TBC1D22A: variants seen among roughly 807,000 people sequenced by gnomAD.
The protein encoded by TBC1D22A is TBC1 domain family member 22A.
Under a neutral mutation model 60.2 loss-of-function variants are expected in TBC1D22A, and 38 were observed. That is an observed-to-expected ratio of 0.63 (90% CI 0.49 to 0.83). The LOEUF is 0.83. Ranked by LOEUF, TBC1D22A falls within the 40% of genes least tolerant of loss-of-function variation. TBC1D22A has a pLI of 0.00. For missense variants in TBC1D22A, 628 were observed against 701.0 expected (o/e 0.90, Z 1.18); for synonymous variants, 302 against 281.7 (o/e 1.07, Z -0.72).
At chr22:47,157,078 A>T (rs1348928941) in intron 12 of TBC1D22A, among the ~76,000 whole-genome samples, 2 of 152,222 alleles carry the variant, frequency 1.3e-5, no homozygotes, top group East Asian at 3.9e-4. Flanking sequence ...CAGGTGATGC[A>T]GGATGCAGAG....
chr22:47,105,272 C>T (rs548347072), intron 11 of TBC1D22A, among the ~76,000 whole-genome samples: 47 of 152,084 alleles, frequency 3.1e-4, no homozygotes, highest in Middle Eastern at 3.4e-3. Context: ...CTCCTCTTTC[C>T]GGTGGTGTGG....
chr22:46,963,376 G>A (rs1195498188), intron 8 of TBC1D22A, among the ~76,000 whole-genome samples: 3 of 152,186 alleles, frequency 2.0e-5, no homozygotes, highest in African/African-American at 4.8e-5. Flanking sequence ...GTCCCGCAGT[G>A]CCCAAGGCTG....
intron 1 of TBC1D22A, among the ~76,000 whole-genome samples, chr22:46,775,957 A>C (rs907912993): frequency 1.3e-5 from 2 of 152,242 alleles, no homozygotes; most frequent in Non-Finnish European, 1.5e-5. Flanking sequence ...CTGTTTGCAC[A>C]TGAGGCCCTG....
intron 4 of TBC1D22A, among the ~76,000 whole-genome samples, chr22:46,825,323 AG>A (rs984389827): frequency 1.8e-4 from 27 of 152,170 alleles, no homozygotes; most frequent in African/African-American, 6.3e-4. Context: ...TCCTCTCTGC[AG>A]GGGCCCAGCT....
intron 8 of TBC1D22A, among the ~76,000 whole-genome samples, chr22:46,954,210 G>C (rs950426792): frequency 1.3e-5 from 2 of 152,174 alleles, no homozygotes; most frequent in East Asian, 3.8e-4. Flanking sequence ...CCCCAGTCCC[G>C]CTCTGCTTCT....
At chr22:46,909,357 C>T (rs1169720316) in intron 7 of TBC1D22A, among the ~76,000 whole-genome samples, 1 of 152,168 alleles carries the variant, frequency 6.6e-6, no homozygotes, top group Non-Finnish European at 1.5e-5. Context: ...GTGCGACTGC[C>T]CCCTGCTCTG....
At chr22:46,875,955 A>ACC (rs141587077) in intron 4 of TBC1D22A, among the ~76,000 whole-genome samples, 3 of 150,838 alleles carry the variant, frequency 2.0e-5, no homozygotes, top group African/African-American at 7.3e-5. Flanking sequence ...GGTGCTCATG[A>ACC]CCCCCCCTGT....
At chr22:46,861,615 A>G (rs1233361938) in intron 4 of TBC1D22A, among the ~76,000 whole-genome samples, 1 of 152,250 alleles carries the variant, frequency 6.6e-6, no homozygotes, top group Non-Finnish European at 1.5e-5. Flanking sequence ...CACCTGGGCC[A>G]GCGGTGCCCA....
intron 8 of TBC1D22A, among the ~76,000 whole-genome samples, chr22:46,950,709 T>A (rs1007070777): frequency 6.6e-6 from 1 of 152,270 alleles, no homozygotes; most frequent in East Asian, 1.9e-4. Context: ...ACGGTAGATG[T>A]GCGCGAATGA....
intron 11 of TBC1D22A, among the ~76,000 whole-genome samples, chr22:47,049,788 T>C (rs571258022): frequency 6.6e-6 from 1 of 152,340 alleles, no homozygotes; most frequent in South Asian, 2.1e-4. Context: ...TCTACTTAAA[T>C]GTGGTGCGTG....
intron 4 of TBC1D22A, among the ~76,000 whole-genome samples, chr22:46,858,461 A>ACC (rs376169833): frequency 0.084 from 12,771 of 151,378 alleles, 685 homozygotes; most frequent in Non-Finnish European, 0.12. Flanking sequence ...TGTGGCAAAC[A>ACC]CCCCCCCCAG....
chr22:47,157,851 C>T (rs866303170), intron 12 of TBC1D22A, among the ~76,000 whole-genome samples: 3 of 152,278 alleles, frequency 2.0e-5, no homozygotes, highest in African/African-American at 4.8e-5. Flanking sequence ...CACCCACCCC[C>T]CAAGCCCTCA....
intron 1 of TBC1D22A, among the ~76,000 whole-genome samples, chr22:46,778,381 C>G (rs184641198): frequency 1.3e-5 from 2 of 152,148 alleles, no homozygotes; most frequent in South Asian, 2.1e-4. Flanking sequence ...AACACAAATA[C>G]GTTGTACAGC....
chr22:46,908,625 G>A (rs895511589), intron 7 of TBC1D22A, among the ~76,000 whole-genome samples: 3 of 152,134 alleles, frequency 2.0e-5, no homozygotes, highest in African/African-American at 4.8e-5. Context: ...TAATACAAGC[G>A]TGCTCTTTTA....
Position 47,061,774 on chromosome 22 carries a change from A to G in TBC1D22A, c.1329+24576A>G, listed in dbSNP as rs116832514. On this transcript the variant is annotated intron_variant, in intron 11 of 12. Coordinates refer to ENST00000337137, the MANE Select transcript of TBC1D22A (RefSeq NM_014346.5). ...ATTCTTTCCTTAAAAGTGTTCATCT[A>G]TTTCCTCCCAGTCTTGAGGTTAGAA... Among the ~76,000 whole-genome samples, 80 of 151,952 alleles carry G rather than the reference A, an allele frequency of 5.3e-4. 1 individual carries two copies. The South Asian group carries it at 6.2e-3, about 12-fold the overall frequency.
chr22:46,967,764 G>A (rs1004006872), intron 8 of TBC1D22A, among the ~76,000 whole-genome samples: 1 of 151,930 alleles, frequency 6.6e-6, no homozygotes, highest in Non-Finnish European at 1.5e-5. Flanking sequence ...TTTTGTTTTC[G>A]AGAACCCCCT....
chr22:46,893,217 T>C (rs2068494325), intron 6 of TBC1D22A, among the ~76,000 whole-genome samples: 1 of 152,252 alleles, frequency 6.6e-6, no homozygotes, highest in Admixed American at 6.5e-5. Context: ...CTGAAGATGC[T>C]GTGTCAAAGC....
rs147372695 is a variant in TBC1D22A at position 47,103,152 on chromosome 22, A to G, written c.1330-8356A>G. 3.2e-4 allele frequency among the ~76,000 whole-genome samples: 48 copies of G among 152,226 alleles called. 1 individual carries two copies. In the East Asian group the frequency reaches 6.6e-3, roughly 21 times the overall value. Reference sequence around the variant, plus strand: ...CCTTTCCCCAGGCTCCTGGTAACCCAAGGTGGTGGATTTGGGGGTGTGTGT... The same window carrying G: ...CCTTTCCCCAGGCTCCTGGTAACCCGAGGTGGTGGATTTGGGGGTGTGTGT... On this transcript the variant is annotated intron_variant, in intron 11 of 12. Transcript: ENST00000337137.
At chr22:47,060,705 T>G (rs1399528469) in intron 11 of TBC1D22A, among the ~76,000 whole-genome samples, 1 of 152,164 alleles carries the variant, frequency 6.6e-6, no homozygotes, top group Non-Finnish European at 1.5e-5. Flanking sequence ...TTGGGAGAAG[T>G]TGGTGATGGT....
Sources: allele counts gnomAD v4.1 joint callset (sites outside exome capture counted in the v4.1 genomes callset), GRCh38; gene constraint gnomAD v4.1.1; transcripts MANE v1.5; gene names NCBI Gene and HGNC (gene_info 2026-07-23, HGNC 2026-07-21).